The following RBFOX1 variants were observed in gnomAD, a reference collection of about 807,000 sequenced individuals.
The protein encoded by RBFOX1 is RNA binding protein fox-1 homolog 1.
Under a neutral mutation model 57.7 loss-of-function variants are expected in RBFOX1, and 8 were observed. The observed-to-expected ratio is 0.14, with a 90% confidence interval of 0.08 to 0.25. RBFOX1 has a LOEUF of 0.25. Ranked by LOEUF, RBFOX1 falls within the 10% of genes least tolerant of loss-of-function variation. RBFOX1 has a pLI of 1.00. For synonymous variants in RBFOX1, 326 were observed against 222.4 expected, an observed-to-expected ratio of 1.47 and a Z score of -4.15; for missense variants, 611 against 548.5, an observed-to-expected ratio of 1.11 and a Z score of -1.14.
At chr16:6,872,194 G>C (rs2061039172) in intron 3 of RBFOX1, among the ~76,000 whole-genome samples, 1 of 152,072 alleles carries the variant, frequency 6.6e-6, no homozygotes, top group Non-Finnish European at 1.5e-5. Context: ...TCACCAACTT[G>C]TGCTCAGCAC....
chr16:6,957,873 T>A (rs2082195732), intron 3 of RBFOX1, among the ~76,000 whole-genome samples: 2 of 152,174 alleles, frequency 1.3e-5, no homozygotes, highest in African/African-American at 4.8e-5. Flanking sequence ...AGTTGCAGAT[T>A]AGTCAGAGCC....
chr16:5,948,819 T>C (rs1218738927), intron 4 of RBFOX1, among the ~76,000 whole-genome samples: 1 of 152,216 alleles, frequency 6.6e-6, no homozygotes, highest in Non-Finnish European at 1.5e-5. Context: ...GTTACTTTCT[T>C]ACGGCATCCC....
At chr16:7,600,345 T>C (rs2094946247) in intron 9 of RBFOX1, among the ~76,000 whole-genome samples, 1 of 152,204 alleles carries the variant, frequency 6.6e-6, no homozygotes, top group South Asian at 2.1e-4. Flanking sequence ...TGGAGAACTT[T>C]GGTGTTCAAA....
intron 1 of RBFOX1, among the ~76,000 whole-genome samples, chr16:6,126,884 C>T (rs2096593509): frequency 6.6e-6 from 1 of 152,110 alleles, no homozygotes; most frequent in Non-Finnish European, 1.5e-5. Flanking sequence ...AGCCAGCTTA[C>T]AAAGAAGCAA....
chr16:6,550,803 T>A lies in RBFOX1; in HGVS notation c.-63-103800T>A, dbSNP rs148667197. Among the ~76,000 whole-genome samples the A allele has an allele frequency of 6.4e-4, 98 of 152,376 alleles. 2 individuals carry two copies. The East Asian group carries it at 0.019, about 29-fold the overall frequency. ...TCTTGAGAAACAGAGTACTGTTTTG[T>A]GATTCTTGCTTCGGCACTTCACATT... is the stretch of plus-strand genomic sequence containing the variant. On this transcript the variant is annotated intron_variant, in intron 2 of 15. Transcript: ENST00000550418.
chr16:7,128,180 C>T (rs189141575), intron 4 of RBFOX1, among the ~76,000 whole-genome samples: 9 of 152,234 alleles, frequency 5.9e-5, no homozygotes, highest in East Asian at 3.9e-4. Context: ...ACAATAAAAT[C>T]CTCAAAGATT....
intron 2 of RBFOX1, among the ~76,000 whole-genome samples, chr16:6,389,632 C>G (rs2092491303): frequency 6.6e-6 from 1 of 152,136 alleles, no homozygotes; most frequent in Non-Finnish European, 1.5e-5. Context: ...GGTGTACTAA[C>G]AAGCAACTGA....
intron 2 of RBFOX1, among the ~76,000 whole-genome samples, chr16:6,368,638 T>A (rs1425817546): frequency 6.6e-6 from 1 of 152,252 alleles, no homozygotes. Context: ...AGTATATGTT[T>A]ATCTATTTTA....
chr16:5,722,928 A>G (rs537770153), intron 3 of RBFOX1, among the ~76,000 whole-genome samples: 24 of 152,116 alleles, frequency 1.6e-4, no homozygotes, highest in African/African-American at 5.3e-4. Flanking sequence ...ACCATATTTA[A>G]TGATCGGTTT....
At chr16:6,582,940 C>G (rs980452798) in intron 2 of RBFOX1, among the ~76,000 whole-genome samples, 6 of 151,906 alleles carry the variant, frequency 3.9e-5, no homozygotes, top group Admixed American at 3.3e-4. Flanking sequence ...CTCCCCTCCC[C>G]TCCTCTTTTC....
At chr16:5,509,213 A>T (rs2043491145) in intron 2 of RBFOX1, among the ~76,000 whole-genome samples, 1 of 152,178 alleles carries the variant, frequency 6.6e-6, no homozygotes, top group African/African-American at 2.4e-5. Flanking sequence ...CAAGAGCAGG[A>T]AGTGTTGGGA....
In RBFOX1 at chr16:5,521,004, A is replaced by G. The variant is rs79558548; in HGVS notation, c.258+53750A>G. Among the ~76,000 whole-genome samples the G allele has an allele frequency of 8.4e-4, 128 of 152,320 alleles. 3 individuals are homozygous for G. The East Asian group carries it at 0.022, about 26-fold the overall frequency. On this transcript the variant is annotated intron_variant, in intron 2 of 2. Transcript: ENST00000585867. ...TAAGAAAAGCATATTGTTAAAGTCC[A>G]TGGAGATTTGGGGGACATCTGTTAG...
chr16:7,581,701 C>G (rs910344648), intron 6 of RBFOX1, among the ~76,000 whole-genome samples: 3 of 152,036 alleles, frequency 2.0e-5, no homozygotes, highest in African/African-American at 7.2e-5. Context: ...GACCTTGATC[C>G]AAATCTACTA....
chr16:6,794,879 T>C (rs1416583436), intron 3 of RBFOX1, among the ~76,000 whole-genome samples: 1 of 152,184 alleles, frequency 6.6e-6, no homozygotes, highest in East Asian at 1.9e-4. Context: ...ATGAAAAAAA[T>C]GGAGGGAAGG....
At chr16:6,058,273 C>T (rs1351683022) in intron 1 of RBFOX1, among the ~76,000 whole-genome samples, 3 of 151,650 alleles carry the variant, frequency 2.0e-5, no homozygotes, top group African/African-American at 7.3e-5. Context: ...TCTAGCCTTC[C>T]TTTCCTCCTT....
chr16:7,673,151 C>T (rs2072121046), intron 13 of RBFOX1, among the ~76,000 whole-genome samples: 1 of 152,220 alleles, frequency 6.6e-6, no homozygotes, highest in Admixed American at 6.5e-5. Context: ...GTCTCCCTAG[C>T]ACACACAGGT....
chr16:6,722,223 A>C (rs138152555), intron 3 of RBFOX1, among the ~76,000 whole-genome samples: 1 of 152,204 alleles, frequency 6.6e-6, no homozygotes. Flanking sequence ...AGGAACCACT[A>C]TCCTGTTTTC....
At chr16:5,908,873 A>G (rs988078480) in intron 4 of RBFOX1, among the ~76,000 whole-genome samples, 2 of 151,908 alleles carry the variant, frequency 1.3e-5, no homozygotes, top group African/African-American at 4.8e-5. Context: ...TAGTGTCCTT[A>G]TAGAAGAGGT....
intron 2 of RBFOX1, among the ~76,000 whole-genome samples, chr16:6,326,331 G>C (rs981025552): frequency 2.6e-5 from 4 of 152,078 alleles, no homozygotes; most frequent in Non-Finnish European, 4.4e-5. Flanking sequence ...TGATAACATT[G>C]GAAGATAAAA....
Sources: allele counts gnomAD v4.1 joint callset (sites outside exome capture counted in the v4.1 genomes callset), GRCh38; gene constraint gnomAD v4.1.1; transcripts MANE v1.5; gene names NCBI Gene and HGNC (gene_info 2026-07-23, HGNC 2026-07-21).